The following TTLL11 variants were observed in gnomAD, a reference collection of about 807,000 sequenced individuals.
The protein encoded by TTLL11 is tubulin polyglutamylase TTLL11.
A neutral mutation model predicts 51.7 loss-of-function variants in TTLL11; 42 were observed. The observed-to-expected ratio is 0.81, with a 90% CI of 0.64 to 1.05. TTLL11 has a LOEUF of 1.05. TTLL11 is among the 50% of genes least tolerant of loss of function. The pLI, the probability that TTLL11 is intolerant of heterozygous loss-of-function variation, is 0.00. For missense variants in TTLL11, 799 were observed against 940.4 expected (o/e 0.85, Z 1.97); for synonymous variants, 381 against 383.5 (o/e 0.99, Z 0.08).
At chr9:121,941,348 G>A (rs567321917) in intron 6 of TTLL11, among the ~76,000 whole-genome samples, 3 of 152,262 alleles carry the variant, frequency 2.0e-5, no homozygotes, top group East Asian at 1.9e-4. Context: ...CTCACCTTCC[G>A]CTATGACCTC....
chr9:121,832,118 C>T (rs1837034925), intron 8 of TTLL11, among the ~76,000 whole-genome samples: 1 of 152,118 alleles, frequency 6.6e-6, no homozygotes, highest in South Asian at 2.1e-4. Context: ...TCCTTAGAGG[C>T]TCCATCTCCA....
At chr9:121,895,611 CTG>C (rs778736331) in intron 6 of TTLL11, among the ~76,000 whole-genome samples, 1 of 139,698 alleles carries the variant, frequency 7.2e-6, no homozygotes, top group Non-Finnish European at 1.6e-5. Flanking sequence ...GTATGTGTGT[CTG>C]TGTGAACATG....
intron 8 of TTLL11, among the ~76,000 whole-genome samples, chr9:121,848,250 C>T (rs1050882132): frequency 2.6e-5 from 4 of 151,724 alleles, no homozygotes; most frequent in Admixed American, 6.6e-5. Context: ...TATACCATGA[C>T]CAATGCGATT....
At chr9:121,913,974 T>C (rs1840233155) in intron 6 of TTLL11, among the ~76,000 whole-genome samples, 1 of 152,196 alleles carries the variant, frequency 6.6e-6, no homozygotes, top group African/African-American at 2.4e-5. Flanking sequence ...CTATCTCGTT[T>C]AACTCTTACA....
At chr9:121,826,360 A>G (rs1056096888) in intron 8 of TTLL11, among the ~76,000 whole-genome samples, 1 of 133,358 alleles carries the variant, frequency 7.5e-6, no homozygotes, top group African/African-American at 2.9e-5. Flanking sequence ...TATATGGTAA[A>G]ACCCATATAT....
intron 4 of TTLL11, among the ~76,000 whole-genome samples, chr9:121,981,829 A>G (rs1181327008): frequency 1.3e-5 from 2 of 152,180 alleles, no homozygotes; most frequent in African/African-American, 4.8e-5. Context: ...ACTCCATTGC[A>G]TGCTCCCAGC....
chr9:122,054,444 A>G (rs1845240612), intron 1 of TTLL11, among the ~76,000 whole-genome samples: 1 of 152,184 alleles, frequency 6.6e-6, no homozygotes, highest in Non-Finnish European at 1.5e-5. Context: ...CAACAGAAAA[A>G]GAAAAACTTC....
chr9:122,028,058 G>A (rs1588217384), intron 3 of TTLL11, among the ~76,000 whole-genome samples: 2 of 152,240 alleles, frequency 1.3e-5, no homozygotes, highest in South Asian at 4.2e-4. Context: ...ATACTTAAAG[G>A]CCAATGTGGT....
In TTLL11 at chr9:122,093,245, G is replaced by T; in HGVS notation, c.-97C>A. On this transcript the variant is annotated 5_prime_UTR_variant, in exon 1 of 9. Coordinates refer to ENST00000321582, the MANE Select transcript of TTLL11 (RefSeq NM_001139442.2). ...CCAAACTGCCGCCGCTGCAGCCGCT[G>T]CCACGCGTTCCCCGCCCGAGCCCGT... 1 of 1,505,486 alleles carries T rather than the reference G, an allele frequency of 6.6e-7. No homozygotes were observed. Among genetic ancestry groups the T allele is most frequent in the Non-Finnish European group, 8.8e-7 (1 of 1,139,390 alleles). 93.3% of individuals were successfully genotyped at this position (1,505,486 alleles called of 1,614,324 possible).
intron 6 of TTLL11, among the ~76,000 whole-genome samples, chr9:121,951,798 T>C (rs1451133099): frequency 1.3e-5 from 2 of 152,192 alleles, no homozygotes; most frequent in South Asian, 4.1e-4. Flanking sequence ...GGCTACTCCA[T>C]AGAACAGCCC....
At chr9:121,999,972 A>G (rs1843411493) in intron 3 of TTLL11, among the ~76,000 whole-genome samples, 1 of 152,244 alleles carries the variant, frequency 6.6e-6, no homozygotes, top group Non-Finnish European at 1.5e-5. Flanking sequence ...CAGTTCCTAG[A>G]AGAATGCTCA....
In TTLL11 at chr9:122,066,079, G is replaced by A. The variant is rs564183319; in HGVS notation, c.462+26608C>T. On this transcript the variant is annotated intron_variant, in intron 1 of 8. Coordinates refer to ENST00000321582, the MANE Select transcript of TTLL11 (RefSeq NM_001139442.2). Reference sequence around the variant, plus strand: ...TGTTAATGTGCTAATTTTGTTCTTAGGTAATAGATTTCCTGGAAGCTGTAA... The same window carrying A: ...TGTTAATGTGCTAATTTTGTTCTTAAGTAATAGATTTCCTGGAAGCTGTAA... 2.0e-5 allele frequency among the ~76,000 whole-genome samples: 3 copies of A among 152,114 alleles called. No homozygotes were observed. The East Asian group carries it at 5.8e-4, about 29-fold the overall frequency.
chr9:121,889,922 A>G (rs4836871), intron 6 of TTLL11, among the ~76,000 whole-genome samples: 68,587 of 141,780 alleles, frequency 0.48, 16,986 homozygotes, highest in Middle Eastern at 0.58. Context: ...GGGGGAGGTG[A>G]GGCTGGGGAG....
intron 1 of TTLL11, among the ~76,000 whole-genome samples, chr9:122,080,034 T>C (rs1239655871): frequency 6.6e-6 from 1 of 152,190 alleles, no homozygotes; most frequent in Non-Finnish European, 1.5e-5. Context: ...AATACATTAT[T>C]TGAATATTAA....
intron 1 of TTLL11, among the ~76,000 whole-genome samples, chr9:122,054,078 T>C (rs1292772024): frequency 6.6e-6 from 1 of 151,534 alleles, no homozygotes; most frequent in Non-Finnish European, 1.5e-5. Context: ...ATTGCAAATA[T>C]GATACCCCGG....
At chr9:121,914,682 C>T (rs762844152) in intron 6 of TTLL11, among the ~76,000 whole-genome samples, 1 of 152,188 alleles carries the variant, frequency 6.6e-6, no homozygotes, top group African/African-American at 2.4e-5. Flanking sequence ...CATGCGGCCC[C>T]CTCCATCCTC....
chr9:122,053,964 C>G (rs1404719624), intron 1 of TTLL11, among the ~76,000 whole-genome samples: 2 of 152,090 alleles, frequency 1.3e-5, no homozygotes, highest in East Asian at 3.9e-4. Context: ...TCTAATAGAG[C>G]CAATAAATAT....
chr9:122,070,890 T>C (rs1300092357), intron 1 of TTLL11, among the ~76,000 whole-genome samples: 1 of 152,068 alleles, frequency 6.6e-6, no homozygotes, highest in Non-Finnish European at 1.5e-5. Flanking sequence ...CGAAAAGCAA[T>C]CACTGCTTGT....
At chr9:121,838,689 A>G (rs531528355) in intron 8 of TTLL11, among the ~76,000 whole-genome samples, 1 of 152,200 alleles carries the variant, frequency 6.6e-6, no homozygotes, top group Non-Finnish European at 1.5e-5. Flanking sequence ...ACTGCACTCC[A>G]GACTGGGTGA....
Sources: allele counts gnomAD v4.1 joint callset (sites outside exome capture counted in the v4.1 genomes callset), GRCh38; gene constraint gnomAD v4.1.1; transcripts MANE v1.5; gene names NCBI Gene and HGNC (gene_info 2026-07-23, HGNC 2026-07-21).